NSMAF: variants seen among roughly 807,000 people sequenced by gnomAD.
The protein encoded by NSMAF is neutral sphingomyelinase activation associated factor.
Under a neutral mutation model 134.9 loss-of-function variants are expected in NSMAF, and 90 were observed. The ratio of observed to expected loss-of-function variants is 0.67; its 90% CI spans 0.56 to 0.79. The LOEUF (loss-of-function observed/expected upper bound fraction) is 0.79, where lower values mean the gene tolerates loss of function less well. NSMAF is among the 30% of genes least tolerant of loss of function. The probability of loss-of-function intolerance (pLI) is 0.00; values close to 1 mark genes in which losing one functional copy is unlikely to be tolerated. For missense variants in NSMAF, 1,010 were observed against 1,119.0 expected (o/e 0.90, Z 1.39); for synonymous variants, 358 against 389.6 (o/e 0.92, Z 0.96).
intron 27 of NSMAF, among the ~76,000 whole-genome samples, chr8:58,587,244 G>A (rs564006165): frequency 8.5e-4 from 129 of 152,164 alleles, no homozygotes; most frequent in Admixed American, 2.6e-3. Context: ...GGTGTCTCCT[G>A]GACAGATGGT....
At chr8:58,605,269 T>C (rs956972730) in intron 12 of NSMAF, among the ~76,000 whole-genome samples, 1 of 152,188 alleles carries the variant, frequency 6.6e-6, no homozygotes, top group Non-Finnish European at 1.5e-5. Flanking sequence ...ATATTGAGCA[T>C]AGAAGGTTCA....
chr8:58,640,655 T>C (rs1463220001), intron 2 of NSMAF, among the ~76,000 whole-genome samples: 1 of 152,228 alleles, frequency 6.6e-6, no homozygotes, highest in East Asian at 1.9e-4. Context: ...TAAAGTTGAT[T>C]AAAATAATTT....
chr8:58,597,312 T>G (rs1806158826), intron 21 of NSMAF, 75 bp downstream of exon 21: 3 of 1,320,776 alleles, frequency 2.3e-6, no homozygotes, highest in Non-Finnish European at 3.2e-6. Context: ...ATACGTCTTA[T>G]CTCCTCTTCA....
chr8:58,647,298 T>C (rs760386126), intron 1 of NSMAF, among the ~76,000 whole-genome samples: 7 of 152,216 alleles, frequency 4.6e-5, no homozygotes, highest in African/African-American at 4.8e-5. Context: ...ACTAGAGAGT[T>C]GATTTAATTA....
chr8:58,624,035 ATTTTTTTT>A (rs11431046), intron 6 of NSMAF, among the ~76,000 whole-genome samples: 1 of 99,098 alleles, frequency 1.0e-5, no homozygotes, highest in South Asian at 3.5e-4. Context: ...TAGAGTTAGG[ATTTTTTTT>A]TTTTTTTTTT....
chr8:58,650,122 A>C (rs1807550436), intron 1 of NSMAF, among the ~76,000 whole-genome samples: 1 of 152,198 alleles, frequency 6.6e-6, no homozygotes, highest in Non-Finnish European at 1.5e-5. Context: ...CATCTTGCGA[A>C]AGTTCATCCT....
chr8:58,652,702 A>T (rs545167334), intron 1 of NSMAF, among the ~76,000 whole-genome samples: 1 of 152,336 alleles, frequency 6.6e-6, no homozygotes, highest in African/African-American at 2.4e-5. Context: ...CCAACACCCC[A>T]GAGCACTCCA....
At chr8:58,610,090 C>G (rs1806493811) in intron 9 of NSMAF, among the ~76,000 whole-genome samples, 1 of 152,072 alleles carries the variant, frequency 6.6e-6, no homozygotes, top group South Asian at 2.1e-4. Context: ...TTTTATCATC[C>G]TATAAACCAT....
At position 58,623,188 on chromosome 8, in the gene NSMAF, T is replaced by A. The variant is rs771933763; in HGVS notation, c.557+32A>T. ...CATACAGATGAAAATGTCCACCACT[T>A]TTCTAATTAGGAAAGATCATTAGAA... On this transcript the variant is annotated intron_variant, in intron 9 of 30. Coordinates refer to ENST00000038176, the MANE Select transcript of NSMAF (RefSeq NM_003580.4). The A allele has an allele frequency of 3.3e-6, 5 of 1,538,378 alleles. No homozygotes were observed. The Admixed American group carries it at 6.8e-5, about 21-fold the overall frequency.
Position 58,651,228 on chromosome 8 carries a change from A to G in NSMAF, c.60-8155T>C, listed in dbSNP as rs147618593. The stretch of plus-strand genomic sequence containing the variant: ...AAAGACCTGGCTCATTTTATTATCC[A>G]TGTTCTACACATTTGCAGAGAGACA... On this transcript the variant is annotated intron_variant, in intron 1 of 30. Coordinates refer to ENST00000038176, the MANE Select transcript of NSMAF (RefSeq NM_003580.4). Among the ~76,000 whole-genome samples, 832 of 152,246 alleles carry G rather than the reference A, an allele frequency of 5.5e-3. 7 individuals carry two copies. The highest frequency in any genetic ancestry group is 0.019 in the African/African-American group (781 of 41,548).
chr8:58,592,347 A>G (rs1267082711), intron 23 of NSMAF, among the ~76,000 whole-genome samples: 1 of 152,192 alleles, frequency 6.6e-6, no homozygotes, highest in Non-Finnish European at 1.5e-5. Context: ...AAAGAAAAAA[A>G]AAGACGTTTT....
Position 58,605,931 on chromosome 8 carries a change from G to A in NSMAF, c.864C>T (p.Tyr288=), listed in dbSNP as rs757214809. The A allele has an allele frequency of 3.8e-6, 6 of 1,570,764 alleles. No individual in the cohort carries two copies. In the Admixed American group the frequency reaches 1.2e-4, roughly 31 times the overall value. The change falls in exon 12 of 31, where the codon TAC becomes TAT. Residue 288 remains tyrosine (Y), a synonymous_variant. Transcript: ENST00000038176. Reference sequence around the variant, plus strand: ...AATGAAGGGTGAGCGCCAAACCTAGGTATGTGGCAATGTAAAAATAGAGAT... The same window carrying A: ...AATGAAGGGTGAGCGCCAAACCTAGATATGTGGCAATGTAAAAATAGAGAT... ...RDDLYFYIAT[Y]LEHHVAEHTA...
Position 58,623,240 on chromosome 8 carries a change from T to C in NSMAF, c.537A>G (p.Arg179=). The C allele has an allele frequency of 6.2e-7, 1 of 1,610,200 alleles. No homozygotes were observed. The highest frequency in any genetic ancestry group is 8.5e-7 in the Non-Finnish European group (1 of 1,177,850). The change falls in exon 9 of 31, where the codon AGA becomes AGG. Residue 179 remains arginine, a synonymous_variant. Transcript: ENST00000038176. ...CTTACCTGTTTTTGTCAAATGATGT[T>C]CTAGCTAAACGAGACTGCAAAATAG... The part of the protein sequence containing the change: ...ITAILQSRLA[R]TSFDKNRFQN...
intron 5 of NSMAF, among the ~76,000 whole-genome samples, chr8:58,633,006 G>C (rs1477291215): frequency 6.6e-6 from 1 of 152,122 alleles, no homozygotes; most frequent in East Asian, 1.9e-4. Flanking sequence ...AATACACTTG[G>C]ATTCCTGGAA....
At chr8:58,616,009 A>G (rs1220466463) in intron 9 of NSMAF, among the ~76,000 whole-genome samples, 1 of 152,194 alleles carries the variant, frequency 6.6e-6, no homozygotes. Flanking sequence ...TTAAAAGGAC[A>G]TTAGCAACTT....
chr8:58,592,643 G>A (rs772517056), intron 23 of NSMAF, among the ~76,000 whole-genome samples: 2 of 152,118 alleles, frequency 1.3e-5, no homozygotes, highest in African/African-American at 2.4e-5. Context: ...ATCCCAGCAC[G>A]TTGGGAGGCC....
At position 58,601,544 on chromosome 8, in the gene NSMAF, C is replaced by CACAA; in HGVS notation, c.1126-10_1126-9insTTGT. The CACAA allele has an allele frequency of 3.3e-6, 3 of 911,196 alleles. No homozygotes were observed. The highest frequency in any genetic ancestry group is 3.1e-5 in the African/African-American group (1 of 32,114). The allele number at this position is 911,196 out of a possible 1,614,324, so 56.4% of individuals were successfully genotyped here. On this transcript the variant is annotated splice_polypyrimidine_tract_variant and intron_variant, in intron 14 of 30. Transcript: ENST00000038176. ...ATTTCCTGGTAGCGTGTCTAGAATA[C>CACAA]AGAAAAAAAAAAAAAATAGAGCTAA...
intron 28 of NSMAF, 143 bp from the exon 29 acceptor site, chr8:58,586,143 C>T: frequency 1.4e-6 from 1 of 736,598 alleles, no homozygotes. Flanking sequence ...TGACTATCCT[C>T]TCCTTGAAAT....
At chr8:58,646,740 T>TA (rs996089572) in intron 1 of NSMAF, among the ~76,000 whole-genome samples, 205 of 148,846 alleles carry the variant, frequency 1.4e-3, no homozygotes, top group African/African-American at 4.3e-3. Context: ...AGTCCATGCT[T>TA]AAAAAAAAAA....
Sources: gnomAD v4.1 joint callset for allele counts (sites outside exome capture counted in the v4.1 genomes callset) on GRCh38, gnomAD v4.1.1 for gene constraint, MANE v1.5 for transcripts, NCBI Gene and HGNC (gene_info 2026-07-23, HGNC 2026-07-21) for gene names.